Variants in PHF24 observed in about 807,000 individuals in gnomAD.
PHF24 encodes the protein Galpha inhibitory interacting protein.
In PHF24, 25 loss-of-function variants were observed where a neutral mutation model predicts 42.6. The observed-to-expected ratio is 0.59, with a 90% CI of 0.43 to 0.82. The LOEUF is 0.82. PHF24 is among the 40% of genes least tolerant of loss of function. PHF24 has a pLI of 0.00. For synonymous variants in PHF24, 185 were observed against 204.8 expected, an observed-to-expected ratio of 0.90 and a Z score of 0.83; for missense variants, 470 against 538.1, an observed-to-expected ratio of 0.87 and a Z score of 1.25.
chr9:34,913,353 C>G, the PHF24 span, among the ~76,000 whole-genome samples: 1 of 152,076 alleles, frequency 6.6e-6, no homozygotes, highest in Non-Finnish European at 1.5e-5. Context: ...ACCCCCCAAA[C>G]AGGAATGAAT....
At chr9:34,911,235 G>GTTTTC in the PHF24 span, among the ~76,000 whole-genome samples, 17 of 151,818 alleles carry the variant, frequency 1.1e-4, no homozygotes, top group South Asian at 2.1e-4. Context: ...TATTTATAGG[G>GTTTTC]TTTTCTTTTC....
the PHF24 span, among the ~76,000 whole-genome samples, chr9:34,918,567 A>G: frequency 1.3e-5 from 2 of 152,304 alleles, no homozygotes; most frequent in South Asian, 4.1e-4. Flanking sequence ...ATATCTTAAG[A>G]TATTAGTTAA....
chr9:34,849,939 T>A, the PHF24 span, among the ~76,000 whole-genome samples: 1 of 152,238 alleles, frequency 6.6e-6, no homozygotes. Flanking sequence ...CCCCACTCTC[T>A]TCTGGCTTGT....
At chr9:34,944,987 C>T in the PHF24 span, among the ~76,000 whole-genome samples, 1 of 152,012 alleles carries the variant, frequency 6.6e-6, no homozygotes, top group Non-Finnish European at 1.5e-5. Flanking sequence ...TCCTCTGATT[C>T]TCATTATCCC....
the PHF24 span, among the ~76,000 whole-genome samples, chr9:34,747,992 T>C: frequency 4.6e-5 from 7 of 152,202 alleles, no homozygotes; most frequent in Non-Finnish European, 1.0e-4. Context: ...GAATTACTCC[T>C]ATACGTAACT....
chr9:34,688,217 A>G, the PHF24 span, among the ~76,000 whole-genome samples: 1 of 152,040 alleles, frequency 6.6e-6, no homozygotes, highest in Admixed American at 6.6e-5. Context: ...ACCCGATATA[A>G]TGACACCTCT....
chr9:34,704,200 C>CT, the PHF24 span, among the ~76,000 whole-genome samples: 44,218 of 148,264 alleles, frequency 0.3, 6,766 homozygotes, highest in Admixed American at 0.35. Flanking sequence ...CTAATTCTTT[C>CT]TTTTTTTTTT....
chr9:34,947,723 C>A, the PHF24 span, among the ~76,000 whole-genome samples: 1 of 152,114 alleles, frequency 6.6e-6, no homozygotes, highest in Admixed American at 6.5e-5. Flanking sequence ...TATTAATGAT[C>A]CTGACTCTGT....
At chr9:34,767,495 G>C in the PHF24 span, among the ~76,000 whole-genome samples, 1 of 152,258 alleles carries the variant, frequency 6.6e-6, no homozygotes, top group South Asian at 2.1e-4. Flanking sequence ...CGTGCGCGTA[G>C]GACCCTCCAA....
chr9:34,690,015 G>A, the PHF24 span: 2 of 1,613,928 alleles, frequency 1.2e-6, no homozygotes, highest in Non-Finnish European at 1.7e-6. Flanking sequence ...GCCCCTCAGT[G>A]TGGTGAACCT....
At chr9:34,834,558 G>A in the PHF24 span, 2 of 1,551,228 alleles carry the variant, frequency 1.3e-6, no homozygotes, top group Non-Finnish European at 1.7e-6. Flanking sequence ...GGGAAGAAGA[G>A]TAGTTCCCTG....
the PHF24 span, among the ~76,000 whole-genome samples, chr9:34,882,629 T>C: frequency 5.1e-3 from 777 of 152,178 alleles, 6 homozygotes; most frequent in Non-Finnish European, 6.9e-3. Context: ...TCAAACAGAA[T>C]AAAATACCTA....
At chr9:34,687,678 C>T in the PHF24 span, among the ~76,000 whole-genome samples, 1 of 152,234 alleles carries the variant, frequency 6.6e-6, no homozygotes, top group African/African-American at 2.4e-5. Flanking sequence ...CTCCGATAGT[C>T]CAGAAAGATC....
At chr9:34,913,885 T>C in the PHF24 span, among the ~76,000 whole-genome samples, 53 of 152,294 alleles carry the variant, frequency 3.5e-4, no homozygotes, top group African/African-American at 1.3e-3. Context: ...ACCTTTAGGC[T>C]TTGTCCTTTT....
the PHF24 span, chr9:34,728,599 G>A: frequency 6.5e-7 from 1 of 1,550,004 alleles, no homozygotes; most frequent in South Asian, 1.2e-5. Context: ...AGGAGAGATT[G>A]GGACTTTACC....
At chr9:34,972,378 G>C in exon 3 of PHF24, 1 of 1,613,408 alleles carries the variant, frequency 6.2e-7, no homozygotes, top group Non-Finnish European at 8.5e-7. Flanking sequence ...ATGTTTGTGA[G>C]GTCTGGACAG....
the PHF24 span, among the ~76,000 whole-genome samples, chr9:34,764,899 G>A: frequency 6.6e-6 from 1 of 150,774 alleles, no homozygotes; most frequent in African/African-American, 2.4e-5. Flanking sequence ...GGTATGTTGT[G>A]TCTTTGTTCT....
At chr9:34,756,705 T>C in the PHF24 span, among the ~76,000 whole-genome samples, 1 of 152,188 alleles carries the variant, frequency 6.6e-6, no homozygotes, top group Non-Finnish European at 1.5e-5. Context: ...AGGTCTTCTA[T>C]GGTTGCATAT....
At chr9:34,874,965 CT>C in the PHF24 span, among the ~76,000 whole-genome samples, 1 of 152,054 alleles carries the variant, frequency 6.6e-6, no homozygotes, top group African/African-American at 2.4e-5. Context: ...ACAATCTAAT[CT>C]AATTATTAAC....
Sources: allele counts gnomAD v4.1 joint callset (sites outside exome capture counted in the v4.1 genomes callset), GRCh38; gene constraint gnomAD v4.1.1; transcripts MANE v1.5; gene names NCBI Gene and HGNC (gene_info 2026-07-23, HGNC 2026-07-21).